Variants in RCBTB1 observed in about 807,000 individuals in gnomAD.
RCBTB1 encodes RCC1 and BTB domain containing protein 1, also known as RCC1 and BTB domain-containing protein 1.
Under a neutral mutation model 62.4 loss-of-function variants are expected in RCBTB1, and 46 were observed. The observed-to-expected ratio is 0.74, with a 90% CI of 0.58 to 0.94. The LOEUF is 0.94. Among genes scored for constraint, RCBTB1 ranks in the 40% least tolerant of loss-of-function variants. The probability of loss-of-function intolerance (pLI) is 0.00; values close to 1 mark genes in which losing one functional copy is unlikely to be tolerated. For synonymous variants in RCBTB1, 222 were observed against 245.8 expected (o/e 0.90, Z 0.91); for missense variants, 565 against 654.9 (o/e 0.86, Z 1.50).
At chr13:49,546,149 A>C in intron 9 of RCBTB1, 1 of 985,396 alleles carries the variant, frequency 1.0e-6, no homozygotes, top group Non-Finnish European at 1.2e-6. Context: ...CCATCCAAAA[A>C]AAAACCCACT....
At chr13:49,537,795 G>GACA (rs1960050234) in intron 12 of RCBTB1, 1 of 152,056 alleles carries the variant, frequency 6.6e-6, no homozygotes, top group Non-Finnish European at 1.5e-5. Flanking sequence ...GCTCCTTTGT[G>GACA]AAGTCCTTCT....
intron 2 of RCBTB1, among the ~76,000 whole-genome samples, chr13:49,579,342 G>A (rs1963960799): frequency 6.6e-6 from 1 of 152,148 alleles, no homozygotes; most frequent in African/African-American, 2.4e-5. Flanking sequence ...ATGAAAGGGA[G>A]GCCGGGCGTG....
At chr13:49,568,504 T>C (rs1226197443) in intron 2 of RCBTB1, among the ~76,000 whole-genome samples, 1 of 152,206 alleles carries the variant, frequency 6.6e-6, no homozygotes, top group Non-Finnish European at 1.5e-5. Context: ...AGTGGCCATA[T>C]ATAAAATCAC....
chr13:49,558,537 C>CA (rs1263177363), intron 5 of RCBTB1, among the ~76,000 whole-genome samples: 4 of 151,314 alleles, frequency 2.6e-5, no homozygotes, highest in Non-Finnish European at 5.9e-5. Context: ...ACTAAAAATA[C>CA]AAAAAAATTA....
At chr13:49,544,325 C>T (rs1054578776) in intron 10 of RCBTB1, among the ~76,000 whole-genome samples, 33 of 151,952 alleles carry the variant, frequency 2.2e-4, no homozygotes, top group Non-Finnish European at 4.1e-4. Context: ...CAAAATTAGC[C>T]AGGCATGGTG....
rs57586924 is a variant in RCBTB1 at position 49,563,355 on chromosome 13, C to CAAAAAAA, written c.277+3256_277+3262dup. 9.6e-5 allele frequency among the ~76,000 whole-genome samples: 5 copies of CAAAAAAA among 52,210 alleles called. 1 individual carries two copies. The highest frequency in any genetic ancestry group is 6.0e-4 in the East Asian group (1 of 1,656). 34.3% of individuals were successfully genotyped at this position (52,210 alleles called of 152,430 possible). On this transcript the variant is annotated intron_variant, in intron 4 of 12. Transcript: ENST00000378302. ...TGACAGAGAGAGAGAGACCCTGCCT[C>CAAAAAAA]AAAAAAAAAAAAAAAAAAAAAAAAA...
rs9568246 is a variant in RCBTB1, at chr13:49,551,486, C to T, written c.712-18G>A. On this transcript the variant is annotated intron_variant, in intron 7 of 12. Transcript: ENST00000378302. ...CAGACAATCTGCAAGTAAATTGAAA[C>T]GGTTACCATTAGCAGGAAAACAGGA... 285,081 of 1,612,680 alleles carry T rather than the reference C, an allele frequency of 0.18. 30,584 individuals are homozygous for T. Among genetic ancestry groups the T allele is most frequent in the African/African-American group, 0.45 (33,602 of 74,870 alleles).
intron 7 of RCBTB1, 127 bp from the exon 8 acceptor site, chr13:49,551,595 T>C (rs1961348536): frequency 6.4e-6 from 7 of 1,095,154 alleles, no homozygotes; most frequent in Non-Finnish European, 7.7e-6. Context: ...TGACATTTGC[T>C]GGAACATTAA....
chr13:49,534,529 C>T (rs73493259), intron 12 of RCBTB1, among the ~76,000 whole-genome samples: 3,175 of 151,418 alleles, frequency 0.021, 117 homozygotes, highest in African/African-American at 0.074. Context: ...CACACACACA[C>T]GCAAGATCTA....
At chr13:49,562,390 G>C (rs1162904415) in intron 4 of RCBTB1, among the ~76,000 whole-genome samples, 2 of 151,836 alleles carry the variant, frequency 1.3e-5, no homozygotes, top group Non-Finnish European at 2.9e-5. Context: ...ACTTTTGGAA[G>C]CTGAGGTGGG....
chr13:49,535,517 A>G (rs1417316988), intron 12 of RCBTB1, among the ~76,000 whole-genome samples: 1 of 152,180 alleles, frequency 6.6e-6, no homozygotes, highest in African/African-American at 2.4e-5. Flanking sequence ...CAACATTTCA[A>G]CTGCAGGTTT....
rs952887990 is a variant in RCBTB1, at chr13:49,555,687, A to AAAAAGG, written c.445-20_445-15dup. 1 of 1,543,082 alleles carries AAAAAGG rather than the reference A, an allele frequency of 6.5e-7. No homozygotes were observed. The highest frequency in any genetic ancestry group is 1.4e-5 in the African/African-American group (1 of 71,658). ...CCAAGCAAACACCTACAAGAGAAAGAAAAAGGAAAAGGAAAGAATAGTCAG... is the reference window on the plus strand; with the variant it reads ...CCAAGCAAACACCTACAAGAGAAAGAAAAAGGAAAAGGAAAAGGAAAGAATAGTCAG... On this transcript the variant is annotated splice_polypyrimidine_tract_variant and intron_variant, in intron 5 of 12. Transcript: ENST00000378302.
chr13:49,568,534 C>G (rs1050933976), intron 2 of RCBTB1, among the ~76,000 whole-genome samples: 11 of 152,126 alleles, frequency 7.2e-5, no homozygotes, highest in African/African-American at 2.7e-4. Flanking sequence ...AGGATGGCAC[C>G]TGTTTACACA....
At chr13:49,573,173 C>CTTAG (rs1181410843) in intron 2 of RCBTB1, among the ~76,000 whole-genome samples, 1 of 152,138 alleles carries the variant, frequency 6.6e-6, no homozygotes, top group Non-Finnish European at 1.5e-5. Context: ...ACTTAGTTAG[C>CTTAG]TTAGCTATGT....
At position 49,561,755 on chromosome 13, in the gene RCBTB1, CA is replaced by C. The variant is rs925860518; in HGVS notation, c.278-1672del. 2.0e-3 allele frequency among the ~76,000 whole-genome samples: 285 copies of C among 143,286 alleles called. 1 individual carries two copies. The highest frequency in any genetic ancestry group is 3.5e-3 in the Middle Eastern group (1 of 288). 94.0% of individuals were successfully genotyped at this position (143,286 alleles called of 152,430 possible). A position where few individuals can be genotyped will look rare whatever the true frequency, so the allele number is the denominator to read the frequency against. ...AACAAGAATAAATAGGAAAACCCTA[CA>C]AAAAAAAAAGCAAGAAGGTAGCTAA... On this transcript the variant is annotated intron_variant, in intron 4 of 12. Coordinates refer to ENST00000378302, the MANE Select transcript of RCBTB1 (RefSeq NM_018191.4).
intron 4 of RCBTB1, among the ~76,000 whole-genome samples, chr13:49,560,581 A>G (rs1198173892): frequency 6.6e-6 from 1 of 150,982 alleles, no homozygotes; most frequent in African/African-American, 2.4e-5. Context: ...GAAGCAGACT[A>G]TTTTATTTTA....
intron 2 of RCBTB1, among the ~76,000 whole-genome samples, chr13:49,574,106 G>A (rs1357141944): frequency 6.8e-6 from 1 of 146,004 alleles, no homozygotes; most frequent in African/African-American, 2.5e-5. Flanking sequence ...TTAAAATATA[G>A]TCCCAAATTT....
intron 12 of RCBTB1, among the ~76,000 whole-genome samples, chr13:49,537,250 C>T (rs564862589): frequency 6.6e-6 from 1 of 152,318 alleles, no homozygotes; most frequent in South Asian, 2.1e-4. Flanking sequence ...CCAAAACTGT[C>T]AGTCTATAAT....
At chr13:49,580,052 C>T (rs143587451) in intron 2 of RCBTB1, among the ~76,000 whole-genome samples, 31 of 152,148 alleles carry the variant, frequency 2.0e-4, no homozygotes, top group African/African-American at 6.5e-4. Flanking sequence ...GAAAAGCAAA[C>T]GAACCAAGTG....
Sources: allele counts gnomAD v4.1 joint callset (sites outside exome capture counted in the v4.1 genomes callset), GRCh38; gene constraint gnomAD v4.1.1; transcripts MANE v1.5; gene names NCBI Gene and HGNC (gene_info 2026-07-23, HGNC 2026-07-21).